Variants in CSNK1G1 observed in about 807,000 individuals in gnomAD.
CSNK1G1 encodes casein kinase I isoform gamma-1.
Under a neutral mutation model 59.6 loss-of-function variants are expected in CSNK1G1, and 22 were observed. That is an observed-to-expected ratio of 0.37 (90% CI 0.26 to 0.53). The LOEUF (loss-of-function observed/expected upper bound fraction) is 0.53, where lower values mean the gene tolerates loss of function less well. Among genes scored for constraint, CSNK1G1 ranks in the 20% least tolerant of loss-of-function variants. The probability of loss-of-function intolerance (pLI) is 0.89; values close to 1 mark genes in which losing one functional copy is unlikely to be tolerated. For synonymous variants in CSNK1G1, 179 were observed against 177.1 expected, an observed-to-expected ratio of 1.01 and a Z score of -0.08; for missense variants, 384 against 519.5, an observed-to-expected ratio of 0.74 and a Z score of 2.54.
At chr15:64,330,374 C>T (rs1243688133) in intron 1 of CSNK1G1, among the ~76,000 whole-genome samples, 11 of 151,312 alleles carry the variant, frequency 7.3e-5, no homozygotes, top group Admixed American at 1.3e-4. Context: ...GTTCAATATA[C>T]GCAAAGCAAT....
chr15:64,216,548 C>A lies in CSNK1G1; in HGVS notation c.444+14G>T. 6.2e-7 allele frequency: 1 copy of A among 1,613,158 alleles called. No homozygotes were observed. Among genetic ancestry groups the A allele is most frequent in the Non-Finnish European group, 8.5e-7 (1 of 1,179,336 alleles). On this transcript the variant is annotated intron_variant, in intron 5 of 11. Coordinates refer to ENST00000303052, the MANE Select transcript of CSNK1G1 (RefSeq NM_022048.5). The surrounding 1 kb of genome is among the most constrained non-coding windows in gnomAD (Gnocchi z 4.6). ...ACCAGCTTATTCTCTTCTAGAAGAG[C>A]AATTCCAACTTACCAGCTGGATGGC...
chr15:64,291,973 T>C (rs1596230940), intron 2 of CSNK1G1, among the ~76,000 whole-genome samples: 1 of 151,874 alleles, frequency 6.6e-6, no homozygotes, highest in Non-Finnish European at 1.5e-5. Flanking sequence ...CCGAGGCAGG[T>C]GGATCACAAG....
chr15:64,352,447 C>CTTTTTTTTTTTTTTTTTT lies in CSNK1G1; in HGVS notation c.-225+3523_-225+3540dup, dbSNP rs1165768581. On this transcript the variant is annotated intron_variant, in intron 1 of 11. Coordinates refer to ENST00000303052, the MANE Select transcript of CSNK1G1 (RefSeq NM_022048.5). ...ATCACAAAACATAATTTGAATTCTTCTTTTTTTTTTTTTTTTTTTGAGATG... is the reference window on the plus strand; with the variant it reads ...ATCACAAAACATAATTTGAATTCTTCTTTTTTTTTTTTTTTTTTTTTTTTTTTTTTTTTTTTTGAGATG... Among the ~76,000 whole-genome samples, 4 of 89,430 alleles carry CTTTTTTTTTTTTTTTTTT rather than the reference C, an allele frequency of 4.5e-5. 1 individual carries two copies. The highest frequency in any genetic ancestry group is 8.8e-5 in the African/African-American group (2 of 22,738). 58.7% of individuals were successfully genotyped at this position (89,430 alleles called of 152,430 possible).
intron 2 of CSNK1G1, among the ~76,000 whole-genome samples, chr15:64,289,158 C>A (rs551275254): frequency 6.8e-6 from 1 of 147,496 alleles, no homozygotes; most frequent in South Asian, 2.1e-4. Context: ...CCAGCCTGGG[C>A]GAACAAGTGA....
At chr15:64,352,447 C>CTTTTTT (rs1165768581) in intron 1 of CSNK1G1, among the ~76,000 whole-genome samples, 1,134 of 89,212 alleles carry the variant, frequency 0.013, 21 homozygotes, top group East Asian at 0.017. Context: ...TTGAATTCTT[C>CTTTTTT]TTTTTTTTTT....
At chr15:64,202,778 T>G (rs1041096724) in intron 10 of CSNK1G1, among the ~76,000 whole-genome samples, 1 of 152,154 alleles carries the variant, frequency 6.6e-6, no homozygotes, top group Admixed American at 6.5e-5. Context: ...GGTCTTGAAC[T>G]CCTGGCTCAA....
chr15:64,202,253 C>A (rs1207372752), intron 10 of CSNK1G1, among the ~76,000 whole-genome samples: 5 of 152,114 alleles, frequency 3.3e-5, no homozygotes, highest in Non-Finnish European at 7.3e-5. Flanking sequence ...CATTTCATGC[C>A]CAAGTCAGTT....
At chr15:64,348,802 C>T (rs559328761) in intron 1 of CSNK1G1, among the ~76,000 whole-genome samples, 1 of 152,110 alleles carries the variant, frequency 6.6e-6, no homozygotes, top group Admixed American at 6.6e-5. Context: ...AATTTCACAT[C>T]ATTCATTATG....
chr15:64,302,698 A>G lies in CSNK1G1; in HGVS notation c.-224-1975T>C, dbSNP rs535521277. Among the ~76,000 whole-genome samples the G allele has an allele frequency of 2.6e-5, 4 of 152,322 alleles. No homozygotes were observed. In the East Asian group the frequency reaches 7.7e-4, roughly 29 times the overall value. ...TATCATAATTGTTGGGAGTATGTCT[A>G]TACGTGAGACTGTCAACTATACTTC... On this transcript the variant is annotated intron_variant, in intron 1 of 11. Coordinates refer to ENST00000303052, the MANE Select transcript of CSNK1G1 (RefSeq NM_022048.5).
chr15:64,270,856 C>G (rs1373797919), intron 2 of CSNK1G1, among the ~76,000 whole-genome samples: 1 of 151,830 alleles, frequency 6.6e-6, no homozygotes, highest in Admixed American at 6.6e-5. Flanking sequence ...TGATTTCTGT[C>G]TTTATTTCAT....
Position 64,262,682 on chromosome 15 carries a change from T to G in CSNK1G1, c.182-3441A>C, listed in dbSNP as rs144004094. Among the ~76,000 whole-genome samples, 659 of 152,318 alleles carry G rather than the reference T, an allele frequency of 4.3e-3. 2 individuals carry two copies. Among genetic ancestry groups the G allele is most frequent in the African/African-American group, 0.015 (621 of 41,574 alleles). ...AGCTACAGGACAAGTAAGATACACTTTTCTTGGATCCTAATTTTCATTTGA... is the reference window on the plus strand; with the variant it reads ...AGCTACAGGACAAGTAAGATACACTGTTCTTGGATCCTAATTTTCATTTGA... On this transcript the variant is annotated intron_variant, in intron 2 of 11. Coordinates refer to ENST00000303052, the MANE Select transcript of CSNK1G1 (RefSeq NM_022048.5).
At chr15:64,199,287 A>G (rs916181717) in intron 10 of CSNK1G1, among the ~76,000 whole-genome samples, 9 of 151,248 alleles carry the variant, frequency 6.0e-5, no homozygotes, top group African/African-American at 1.9e-4. Context: ...AAGAAAAGAA[A>G]AAGAGAAAAA....
intron 1 of CSNK1G1, among the ~76,000 whole-genome samples, chr15:64,312,073 G>A (rs1896025998): frequency 6.6e-6 from 1 of 152,126 alleles, no homozygotes; most frequent in Non-Finnish European, 1.5e-5. Context: ...CCTCTTCAAG[G>A]AGAACTACAA....
chr15:64,186,516 T>C lies in CSNK1G1; in HGVS notation c.1108-6062A>G, dbSNP rs573255678. ...GAGTTTTTTGTTTTGTTTTGTTTTG[T>C]TTTGTTTTAAAGAGACAGGGTCTTG... On this transcript the variant is annotated intron_variant, in intron 10 of 11. Transcript: ENST00000303052. Among the ~76,000 whole-genome samples, 11 of 152,336 alleles carry C rather than the reference T, an allele frequency of 7.2e-5. No individual in the cohort carries two copies. In the East Asian group the frequency reaches 1.5e-3, roughly 21 times the overall value.
intron 11 of CSNK1G1, among the ~76,000 whole-genome samples, chr15:64,178,016 T>C (rs2081761585): frequency 6.6e-6 from 1 of 152,174 alleles, no homozygotes; most frequent in African/African-American, 2.4e-5. Flanking sequence ...TTCTCAACAT[T>C]GGCTACATGT....
At chr15:64,316,061 C>G (rs917732040) in intron 1 of CSNK1G1, among the ~76,000 whole-genome samples, 1 of 152,192 alleles carries the variant, frequency 6.6e-6, no homozygotes, top group Non-Finnish European at 1.5e-5. Context: ...GGGTCTCGCT[C>G]TGTCAGCTAC....
At position 64,200,687 on chromosome 15, in the gene CSNK1G1, T is replaced by C. The variant is rs2082095372; in HGVS notation, c.1107+2395A>G. 6.6e-6 allele frequency among the ~76,000 whole-genome samples: 1 copy of C among 152,206 alleles called. No homozygotes were observed. Among genetic ancestry groups the C allele is most frequent in the South Asian group, 2.1e-4 (1 of 4,828 alleles). ...AAACTTCATTTAAAATATTTTAGAATATATTACTACACTTCCAACCCTATT... is the reference window on the plus strand; with the variant it reads ...AAACTTCATTTAAAATATTTTAGAACATATTACTACACTTCCAACCCTATT... On this transcript the variant is annotated intron_variant, in intron 10 of 11. Coordinates refer to ENST00000303052, the MANE Select transcript of CSNK1G1 (RefSeq NM_022048.5). The surrounding 1 kb of genome is among the most constrained non-coding windows in gnomAD (Gnocchi z 4.3).
At chr15:64,191,692 GAA>G (rs2081973582) in intron 10 of CSNK1G1, among the ~76,000 whole-genome samples, 1 of 152,196 alleles carries the variant, frequency 6.6e-6, no homozygotes, top group South Asian at 2.1e-4. Context: ...AAGATAAATA[GAA>G]AACTAATGTT....
intron 3 of CSNK1G1, among the ~76,000 whole-genome samples, chr15:64,257,150 G>C (rs1040397984): frequency 1.3e-5 from 2 of 151,572 alleles, no homozygotes; most frequent in African/African-American, 4.9e-5. Flanking sequence ...ATACTAGATT[G>C]TAAGAGTTCC....
Sources: allele counts gnomAD v4.1 joint callset (sites outside exome capture counted in the v4.1 genomes callset), GRCh38; gene constraint gnomAD v4.1.1; non-coding constraint Gnocchi (gnomAD v3.1); transcripts MANE v1.5; gene names NCBI Gene and HGNC (gene_info 2026-07-23, HGNC 2026-07-21).